The following TNPO1 variants were observed in gnomAD, a reference collection of about 807,000 sequenced individuals.
TNPO1 encodes the protein transportin 1, also known as transportin-1.
Under a neutral mutation model 119.5 loss-of-function variants are expected in TNPO1, and 8 were observed. The ratio of observed to expected loss-of-function variants is 0.07; its 90% CI spans 0.04 to 0.12. The LOEUF is 0.12. TNPO1 is among the 10% of genes least tolerant of loss of function. The pLI is 1.00. For missense variants in TNPO1, 576 were observed against 1,089.8 expected (o/e 0.53, Z 6.64); for synonymous variants, 362 against 363.0 (o/e 1.00, Z 0.03).
intron 19 of TNPO1, 123 bp from the exon 20 acceptor site, chr5:72,896,933 T>C: frequency 2.1e-6 from 1 of 476,468 alleles, no homozygotes. Flanking sequence ...TTAATTTTAA[T>C]TATTTGTATT....
intron 1 of TNPO1, among the ~76,000 whole-genome samples, chr5:72,831,438 A>G (rs1209533884): frequency 6.6e-6 from 1 of 152,000 alleles, no homozygotes; most frequent in Non-Finnish European, 1.5e-5. Flanking sequence ...GATATAAAAT[A>G]AAATTTGGGG....
intron 6 of TNPO1, among the ~76,000 whole-genome samples, chr5:72,869,532 G>T (rs1379888693): frequency 6.6e-6 from 1 of 152,158 alleles, no homozygotes; most frequent in Non-Finnish European, 1.5e-5. Flanking sequence ...GGGTGACAGA[G>T]TGAGACTCCA....
At chr5:72,896,916 A>T (rs1749472966) in intron 19 of TNPO1, 140 bp from the exon 20 acceptor site, 1 of 459,404 alleles carries the variant, frequency 2.2e-6, no homozygotes, top group Non-Finnish European at 3.8e-6. Flanking sequence ...ATATTTTTGT[A>T]ATTGCTTTAA....
intron 1 of TNPO1, among the ~76,000 whole-genome samples, chr5:72,841,258 C>T (rs894464151): frequency 6.6e-6 from 1 of 151,904 alleles, no homozygotes; most frequent in African/African-American, 2.4e-5. Flanking sequence ...GTAGGGATTA[C>T]AGGCGCCCGC....
rs921242652 is a variant in TNPO1, at chr5:72,818,882, T to A, written c.15+2130T>A. Among the ~76,000 whole-genome samples the A allele has an allele frequency of 5.9e-5, 9 of 152,236 alleles. No individual in the cohort carries two copies. The South Asian group carries it at 1.9e-3, about 32-fold the overall frequency. ...GAAACAGTGAAATTCCCCTGGAGGTTGAGGATTTTTCTTAGTTGACCCTAT... is the reference window on the plus strand; with the variant it reads ...GAAACAGTGAAATTCCCCTGGAGGTAGAGGATTTTTCTTAGTTGACCCTAT... On this transcript the variant is annotated intron_variant, in intron 1 of 24. Transcript: ENST00000337273.
At chr5:72,820,100 TGTGA>T (rs1197823995) in intron 1 of TNPO1, among the ~76,000 whole-genome samples, 1 of 152,230 alleles carries the variant, frequency 6.6e-6, no homozygotes, top group Non-Finnish European at 1.5e-5. Context: ...GACTTTACTA[TGTGA>T]GTAATTTTGT....
intron 24 of TNPO1, among the ~76,000 whole-genome samples, chr5:72,905,917 T>G (rs985768906): frequency 6.6e-6 from 1 of 151,970 alleles, no homozygotes; most frequent in Non-Finnish European, 1.5e-5. Context: ...AAAATAAAAT[T>G]ACTCAAGTGA....
At chr5:72,902,737 A>G (rs960600697) in intron 22 of TNPO1, among the ~76,000 whole-genome samples, 14 of 152,162 alleles carry the variant, frequency 9.2e-5, no homozygotes, top group Non-Finnish European at 1.5e-5. Context: ...ACTTTTATTC[A>G]CATACCTTAT....
intron 1 of TNPO1, among the ~76,000 whole-genome samples, chr5:72,839,061 A>C (rs1317415438): frequency 6.6e-6 from 1 of 152,126 alleles, no homozygotes; most frequent in Non-Finnish European, 1.5e-5. Flanking sequence ...TTTTTTTCTT[A>C]AATCTGTGTC....
In TNPO1 at chr5:72,830,689, A is replaced by G. The variant is rs1744418704; in HGVS notation, c.15+13937A>G. Reference sequence around the variant, plus strand: ...TTATGTATTTTATTAACTGTAAATAATATGGATCAGTTACTACATGAAATT... The same window carrying G: ...TTATGTATTTTATTAACTGTAAATAGTATGGATCAGTTACTACATGAAATT... On this transcript the variant is annotated intron_variant, in intron 1 of 24. Coordinates refer to ENST00000337273, the MANE Select transcript of TNPO1 (RefSeq NM_002270.4). Among the ~76,000 whole-genome samples the G allele has an allele frequency of 2.0e-5, 3 of 152,196 alleles. No homozygotes were observed. The South Asian group carries it at 6.2e-4, about 31-fold the overall frequency.
intron 1 of TNPO1, among the ~76,000 whole-genome samples, chr5:72,840,745 C>T (rs2112216664): frequency 6.6e-6 from 1 of 152,208 alleles, no homozygotes; most frequent in Non-Finnish European, 1.5e-5. Flanking sequence ...GTAAGCATGT[C>T]TAGTCATCTT....
chr5:72,823,435 G>A (rs1054257688), intron 1 of TNPO1, among the ~76,000 whole-genome samples: 7 of 151,874 alleles, frequency 4.6e-5, no homozygotes, highest in East Asian at 1.9e-4. Flanking sequence ...TGATACCCTC[G>A]TGCACTGTCA....
intron 1 of TNPO1, among the ~76,000 whole-genome samples, chr5:72,822,277 A>G (rs1330006104): frequency 6.6e-6 from 1 of 152,166 alleles, no homozygotes; most frequent in African/African-American, 2.4e-5. Flanking sequence ...TAAACATGGA[A>G]TAATGATTTA....
At chr5:72,835,430 C>T (rs1050979240) in intron 1 of TNPO1, among the ~76,000 whole-genome samples, 1 of 152,126 alleles carries the variant, frequency 6.6e-6, no homozygotes, top group East Asian at 1.9e-4. Context: ...AATTTGATAT[C>T]TAGTGAAGGC....
At chr5:72,818,998 A>G (rs1041491356) in intron 1 of TNPO1, among the ~76,000 whole-genome samples, 1 of 152,218 alleles carries the variant, frequency 6.6e-6, no homozygotes, top group Non-Finnish European at 1.5e-5. Flanking sequence ...TGGAAGACAG[A>G]TGTTTGCAAG....
chr5:72,868,204 A>C (rs898698354), intron 6 of TNPO1, among the ~76,000 whole-genome samples: 1 of 151,740 alleles, frequency 6.6e-6, no homozygotes, highest in Non-Finnish European at 1.5e-5. Context: ...AGGCCGAGGC[A>C]GGCGGATCAC....
chr5:72,828,636 A>G (rs144531967), intron 1 of TNPO1, among the ~76,000 whole-genome samples: 187 of 152,204 alleles, frequency 1.2e-3, no homozygotes, highest in South Asian at 2.3e-3. Flanking sequence ...ATCTTATGAA[A>G]CTGCATACGT....
At chr5:72,889,488 T>A (rs78941619) in intron 13 of TNPO1, among the ~76,000 whole-genome samples, 1 of 152,160 alleles carries the variant, frequency 6.6e-6, no homozygotes, top group African/African-American at 2.4e-5. Context: ...TTTTTTTTTT[T>A]AGCTATTAAT....
intron 7 of TNPO1, among the ~76,000 whole-genome samples, chr5:72,875,129 AG>A (rs1052058974): frequency 6.6e-6 from 1 of 152,252 alleles, no homozygotes; most frequent in African/African-American, 2.4e-5. Context: ...TTGCAGACGT[AG>A]GGAACAGCAT....
Sources: allele counts gnomAD v4.1 joint callset (sites outside exome capture counted in the v4.1 genomes callset), GRCh38; gene constraint gnomAD v4.1.1; transcripts MANE v1.5; gene names NCBI Gene and HGNC (gene_info 2026-07-23, HGNC 2026-07-21).